GALNT13: variants seen among roughly 807,000 people sequenced by gnomAD.
GALNT13 encodes UDP-GalNAc:polypeptide N-acetylgalactosaminyltransferase 13.
Under a neutral mutation model 64.2 loss-of-function variants are expected in GALNT13, and 28 were observed. That is an observed-to-expected ratio of 0.44 (90% CI 0.32 to 0.60). GALNT13 has a LOEUF of 0.60. Among genes scored for constraint, GALNT13 ranks in the 20% least tolerant of loss-of-function variants. The pLI, the probability that GALNT13 is intolerant of heterozygous loss-of-function variation, is 0.05. For synonymous variants in GALNT13, 214 were observed against 224.6 expected (o/e 0.95, Z 0.42); for missense variants, 577 against 669.8 (o/e 0.86, Z 1.53).
chr2:153,072,250 T>A, the GALNT13 span, among the ~76,000 whole-genome samples: 2 of 152,250 alleles, frequency 1.3e-5, no homozygotes, highest in South Asian at 4.2e-4. Flanking sequence ...AAATAACTCT[T>A]ACCTACCGCT....
intron 9 of GALNT13, among the ~76,000 whole-genome samples, chr2:154,302,477 G>A (rs1693498885): frequency 6.6e-6 from 1 of 152,114 alleles, no homozygotes; most frequent in African/African-American, 2.4e-5. Context: ...CTTAGAAAAG[G>A]CTATTTGATT....
the GALNT13 span, among the ~76,000 whole-genome samples, chr2:153,656,763 AT>A: frequency 1.3e-5 from 2 of 152,142 alleles, no homozygotes; most frequent in Non-Finnish European, 2.9e-5. Flanking sequence ...CTAGGTGAGC[AT>A]GTCAGCTAGG....
chr2:153,359,112 A>C, the GALNT13 span, among the ~76,000 whole-genome samples: 1 of 152,216 alleles, frequency 6.6e-6, no homozygotes, highest in African/African-American at 2.4e-5. Context: ...ATATGAAAAA[A>C]CACTTGATTT....
chr2:153,662,069 G>T, the GALNT13 span, among the ~76,000 whole-genome samples: 1 of 152,108 alleles, frequency 6.6e-6, no homozygotes, highest in East Asian at 1.9e-4. Flanking sequence ...TTTCCAAACT[G>T]CTAGGAATGT....
At chr2:154,389,499 TG>T (rs1698678503) in intron 9 of GALNT13, among the ~76,000 whole-genome samples, 1 of 152,226 alleles carries the variant, frequency 6.6e-6, no homozygotes, top group Non-Finnish European at 1.5e-5. Context: ...TATGTATTCT[TG>T]TGCATGAAAT....
chr2:153,777,717 C>G, the GALNT13 span, among the ~76,000 whole-genome samples: 2 of 152,146 alleles, frequency 1.3e-5, no homozygotes, highest in African/African-American at 4.8e-5. Context: ...AGCATACAGA[C>G]AGCAGGCTTC....
At chr2:153,727,921 G>T in the GALNT13 span, among the ~76,000 whole-genome samples, 2 of 152,016 alleles carry the variant, frequency 1.3e-5, no homozygotes, top group Non-Finnish European at 2.9e-5. Flanking sequence ...ACAGGTCCCT[G>T]GTGTGATGTT....
intron 3 of GALNT13, among the ~76,000 whole-genome samples, chr2:154,124,543 G>T (rs945261275): frequency 1.3e-5 from 2 of 151,800 alleles, no homozygotes; most frequent in East Asian, 3.9e-4. Context: ...ATTTTTTGAT[G>T]CCTAGACCAC....
chr2:153,696,028 G>A, the GALNT13 span, among the ~76,000 whole-genome samples: 5 of 152,072 alleles, frequency 3.3e-5, no homozygotes, highest in Non-Finnish European at 7.3e-5. Flanking sequence ...ATAAAGGGGA[G>A]TTTATTAAGG....
chr2:154,011,182 G>A (rs1479367190), intron 3 of GALNT13, among the ~76,000 whole-genome samples: 3 of 151,652 alleles, frequency 2.0e-5, no homozygotes, highest in African/African-American at 7.3e-5. Context: ...CAAGCTGTTA[G>A]GTTAGGTTGT....
At chr2:153,877,520 A>G (rs1419205684) in intron 1 of GALNT13, among the ~76,000 whole-genome samples, 4 of 152,160 alleles carry the variant, frequency 2.6e-5, no homozygotes, top group Non-Finnish European at 5.9e-5. Context: ...CTCTTGTCTT[A>G]TATTAATTGC....
intron 1 of GALNT13, among the ~76,000 whole-genome samples, chr2:153,899,002 A>G (rs72863653): frequency 0.077 from 11,705 of 152,232 alleles, 516 homozygotes; most frequent in East Asian, 0.13. Flanking sequence ...TTTCTGTTCC[A>G]TACCTGAGTC....
chr2:153,500,898 A>T, the GALNT13 span, among the ~76,000 whole-genome samples: 1 of 152,188 alleles, frequency 6.6e-6, no homozygotes, highest in Non-Finnish European at 1.5e-5. Context: ...TAGAAATCTC[A>T]TACAATTTTG....
At chr2:154,243,234 C>A (rs1477509029) in intron 6 of GALNT13, among the ~76,000 whole-genome samples, 9 of 152,120 alleles carry the variant, frequency 5.9e-5, no homozygotes, top group Non-Finnish European at 1.3e-4. Flanking sequence ...CTGACAACCA[C>A]CCTGTGAGGT....
chr2:153,669,889 G>T, the GALNT13 span, among the ~76,000 whole-genome samples: 16 of 151,420 alleles, frequency 1.1e-4, no homozygotes, highest in African/African-American at 3.6e-4. Context: ...GGCTCGGCAG[G>T]TCCCTCATGC....
the GALNT13 span, among the ~76,000 whole-genome samples, chr2:153,154,032 G>A: frequency 6.6e-6 from 1 of 152,210 alleles, no homozygotes; most frequent in East Asian, 1.9e-4. Flanking sequence ...CCAAGAGCAT[G>A]GAATGTTTTC....
chr2:153,540,278 C>T, the GALNT13 span, among the ~76,000 whole-genome samples: 1 of 152,324 alleles, frequency 6.6e-6, no homozygotes, highest in East Asian at 1.9e-4. Flanking sequence ...TTGGCAGCTT[C>T]CATATGGTAT....
chr2:154,446,709 AT>A (rs751760112), intron 12 of GALNT13: 32 of 1,546,030 alleles, frequency 2.1e-5, no homozygotes, highest in Non-Finnish European at 2.8e-5. Flanking sequence ...AAGAATGGAA[AT>A]TTTTAGAAAT....
the GALNT13 span, among the ~76,000 whole-genome samples, chr2:153,755,059 A>G: frequency 1.3e-5 from 2 of 152,202 alleles, no homozygotes; most frequent in African/African-American, 4.8e-5. Context: ...TGCTGCTGCC[A>G]GAGAATGAGG....
Sources: gnomAD v4.1 joint callset for allele counts (sites outside exome capture counted in the v4.1 genomes callset) on GRCh38, gnomAD v4.1.1 for gene constraint, MANE v1.5 for transcripts, NCBI Gene and HGNC (gene_info 2026-07-23, HGNC 2026-07-21) for gene names.